Variants in GSTA4 observed in about 807,000 individuals in gnomAD.
GSTA4 encodes glutathione S-transferase alpha 4.
A neutral mutation model predicts 24.4 loss-of-function variants in GSTA4; 15 were observed. The observed-to-expected ratio is 0.61, with a 90% CI of 0.41 to 0.95. The LOEUF (loss-of-function observed/expected upper bound fraction) is 0.95. Ranked by LOEUF, GSTA4 falls within the 40% of genes least tolerant of loss-of-function variation. The pLI is 0.00. For synonymous variants in GSTA4, 92 were observed against 94.2 expected (o/e 0.98, Z 0.13); for missense variants, 244 against 262.1 (o/e 0.93, Z 0.48).
chr6:52,982,589 T>C lies in GSTA4; in HGVS notation c.531A>G (p.Ala177=), dbSNP rs1561983322. Residue 177 remains alanine, a synonymous_variant, in exon 6 of 7, where the codon GCA becomes GCG. Transcript: ENST00000370963. The part of the protein sequence containing the change: ...LEEKIPNILS[A]FPFLQEYTVK... ...TTTTATTTACCTGGAGGAAAGGAAATGCAGACAGGATATTAGGAATTTTCT... is the reference window on the plus strand; with the variant it reads ...TTTTATTTACCTGGAGGAAAGGAAACGCAGACAGGATATTAGGAATTTTCT... The C allele has an allele frequency of 6.2e-7, 1 of 1,610,164 alleles. No homozygotes were observed. The highest frequency in any genetic ancestry group is 1.7e-5 in the Admixed American group (1 of 59,642).
intron 3 of GSTA4, among the ~76,000 whole-genome samples, chr6:52,986,207 C>A (rs139451475): frequency 2.0e-5 from 3 of 152,166 alleles, no homozygotes; most frequent in African/African-American, 4.8e-5. Context: ...ACCAGCTACA[C>A]GCAGCTATGT....
At position 52,982,668 on chromosome 6, in the gene GSTA4, T is replaced by A; in HGVS notation, c.452A>T (p.Asn151Ile). 6.2e-7 allele frequency: 1 copy of A among 1,612,168 alleles called. No homozygotes were observed. The highest frequency in any genetic ancestry group is 8.5e-7 in the Non-Finnish European group (1 of 1,178,330). ...AATCACATCTGCAAGGCTCAGCTGA[T>A]TACCAACAAGAAAGCTTTGTCCGTG... Reference protein sequence around the residue: ...RGHGQSFLVGNQLSLADVILL... With the variant: ...RGHGQSFLVGIQLSLADVILL... The change falls in exon 6 of 7, where the codon AAT becomes ATT. Residue 151 changes from asparagine to isoleucine, a missense_variant. Physicochemically the swap from Asn to Ile is moderately radical, Grantham distance 149 (BLOSUM62 -3). Coordinates refer to ENST00000370963, the MANE Select transcript of GSTA4 (RefSeq NM_001512.4).
intron 6 of GSTA4, among the ~76,000 whole-genome samples, chr6:52,980,075 T>C (rs961358104): frequency 1.3e-5 from 2 of 152,204 alleles, no homozygotes; most frequent in African/African-American, 2.4e-5. Flanking sequence ...TAAAACTGTA[T>C]TTACGCAGAT....
chr6:52,981,591 A>AT (rs1293589479), intron 6 of GSTA4, among the ~76,000 whole-genome samples: 1 of 152,188 alleles, frequency 6.6e-6, no homozygotes, highest in Non-Finnish European at 1.5e-5. Flanking sequence ...TATTCCACAG[A>AT]TTTTTTTCAA....
chr6:52,978,741 C>A, intron 6 of GSTA4, 149 bp from the exon 7 acceptor site: 1 of 576,382 alleles, frequency 1.7e-6, no homozygotes, highest in Non-Finnish European at 3.0e-6. Context: ...ATTTGTTTAG[C>A]AGGGGTGTCC....
intron 2 of GSTA4, 91 bp from the exon 3 acceptor site, chr6:52,987,499 A>T (rs1763585334): frequency 1.4e-6 from 1 of 708,128 alleles, no homozygotes; most frequent in African/African-American, 1.8e-5. Flanking sequence ...AGCAACACCA[A>T]CAGAAACAGA....
intron 5 of GSTA4, 147 bp downstream of exon 5, chr6:52,984,317 C>T (rs1763508689): frequency 3.0e-6 from 2 of 673,906 alleles, no homozygotes; most frequent in Non-Finnish European, 5.0e-6. Context: ...GCTGTGGCTA[C>T]TATTCGCTCT....
intron 2 of GSTA4, among the ~76,000 whole-genome samples, chr6:52,989,340 A>C (rs1009266753): frequency 3.9e-5 from 6 of 152,338 alleles, no homozygotes; most frequent in Admixed American, 2.6e-4. Context: ...TTTGCTTTGC[A>C]CTGCAGACTC....
Position 52,982,555 on chromosome 6 carries a change from A to C in GSTA4, c.546+19T>G, listed in dbSNP as rs1356930215. ...CCCAAGAGTTCTAGGCCAATCTTCT[A>C]ATACATAGTTTTATTTACCTGGAGG... is the stretch of plus-strand genomic sequence containing the variant. On this transcript the variant is annotated intron_variant, in intron 6 of 6. Coordinates refer to ENST00000370963, the MANE Select transcript of GSTA4 (RefSeq NM_001512.4). The C allele has an allele frequency of 6.9e-6, 11 of 1,597,316 alleles. No individual in the cohort carries two copies. The highest frequency in any genetic ancestry group is 9.4e-6 in the Non-Finnish European group (11 of 1,168,594).
chr6:52,980,648 T>C (rs1020774454), intron 6 of GSTA4, among the ~76,000 whole-genome samples: 1 of 152,180 alleles, frequency 6.6e-6, no homozygotes, highest in South Asian at 2.1e-4. Flanking sequence ...TACTTCTGGG[T>C]TCAGCATCCC....
intron 2 of GSTA4, among the ~76,000 whole-genome samples, chr6:52,990,203 A>C (rs1442702478): frequency 1.3e-5 from 2 of 152,214 alleles, no homozygotes; most frequent in Non-Finnish European, 2.9e-5. Flanking sequence ...AAATTAAGTG[A>C]CTGACCAGCA....
In GSTA4 at chr6:52,984,562, G is replaced by C. The variant is rs1581910538; in HGVS notation, c.316C>G (p.Leu106Val). Reference sequence around the variant, plus strand: ...GGTTTTAAGAAAGGATGCATGATAAGCAGTTCCAGCAGATCCAGTGTCCCC... The same window carrying C: ...GGTTTTAAGAAAGGATGCATGATAACCAGTTCCAGCAGATCCAGTGTCCCC... ...VEGTLDLLEL[L>V]IMHPFLKPDD... The change falls in exon 5 of 7, where the codon CTT (leucine) becomes GTT (valine). Residue 106 changes from leucine (L) to valine (V), a missense_variant. By Grantham distance (32) the Leu-to-Val change is conservative (BLOSUM62 1). Coordinates refer to ENST00000370963, the MANE Select transcript of GSTA4 (RefSeq NM_001512.4). 6.2e-7 allele frequency: 1 copy of C among 1,613,164 alleles called. No individual in the cohort carries two copies. The highest frequency in any genetic ancestry group is 2.2e-5 in the East Asian group (1 of 44,872).
In GSTA4 at chr6:52,984,683, C is replaced by G. The variant is rs200319917; in HGVS notation, c.273-78G>C. ...TTTCCACAACTAAGAATTCAGAGTG[C>G]TTTTTTTTTTTTTTTTAAAGATGCT... On this transcript the variant is annotated intron_variant, in intron 4 of 6. Transcript: ENST00000370963. The G allele has an allele frequency of 3.8e-6, 3 of 789,326 alleles. No individual in the cohort carries two copies. The African/African-American group carries it at 5.6e-5, about 15-fold the overall frequency. 48.9% of individuals were successfully genotyped at this position (789,326 alleles called of 1,614,324 possible).
intron 2 of GSTA4, among the ~76,000 whole-genome samples, chr6:52,991,125 C>T (rs746008584): frequency 1.6e-4 from 24 of 152,150 alleles, no homozygotes; most frequent in Non-Finnish European, 2.6e-4. Context: ...AGGGCAACAA[C>T]GCATTATTGT....
intron 5 of GSTA4, among the ~76,000 whole-genome samples, chr6:52,983,635 C>T (rs546180306): frequency 5.3e-5 from 8 of 152,316 alleles, no homozygotes; most frequent in Admixed American, 1.3e-4. Flanking sequence ...ACCTCATAGG[C>T]GTGTTGCAAG....
chr6:52,992,508 T>C (rs979816595), intron 2 of GSTA4, among the ~76,000 whole-genome samples: 1 of 152,216 alleles, frequency 6.6e-6, no homozygotes, highest in Non-Finnish European at 1.5e-5. Context: ...ACCTTAACCA[T>C]GTGATCCAGG....
At chr6:52,979,110 G>C (rs1255287017) in intron 6 of GSTA4, among the ~76,000 whole-genome samples, 8 of 152,102 alleles carry the variant, frequency 5.3e-5, no homozygotes, top group Admixed American at 5.2e-4. Context: ...AAAAAGGAAG[G>C]GGAAAACTCA....
chr6:52,981,163 C>T (rs1763445867), intron 6 of GSTA4, among the ~76,000 whole-genome samples: 1 of 151,600 alleles, frequency 6.6e-6, no homozygotes, highest in Non-Finnish European at 1.5e-5. Context: ...TGGTTTATTG[C>T]CTTGTTGAAG....
At chr6:52,978,978 A>G (rs1763398692) in intron 6 of GSTA4, among the ~76,000 whole-genome samples, 1 of 152,194 alleles carries the variant, frequency 6.6e-6, no homozygotes, top group Non-Finnish European at 1.5e-5. Context: ...TCTGTCATCA[A>G]TCACCGGTAT....
Sources: allele counts gnomAD v4.1 joint callset (sites outside exome capture counted in the v4.1 genomes callset), GRCh38; gene constraint gnomAD v4.1.1; transcripts MANE v1.5; gene names NCBI Gene and HGNC (gene_info 2026-07-23, HGNC 2026-07-21).